Variants in NTM observed in about 807,000 individuals in gnomAD.
NTM encodes neurotrimin, also known as IgLON family member 2.
A neutral mutation model predicts 42.1 loss-of-function variants in NTM; 13 were observed. The ratio of observed to expected loss-of-function variants is 0.31; its 90% CI spans 0.20 to 0.49. NTM has a LOEUF of 0.49. Among genes scored for constraint, NTM ranks in the 20% least tolerant of loss-of-function variants. The pLI, the probability that NTM is intolerant of heterozygous loss-of-function variation, is 0.99. For synonymous variants in NTM, 187 were observed against 179.2 expected, an observed-to-expected ratio of 1.04 and a Z score of -0.35; for missense variants, 373 against 452.8, an observed-to-expected ratio of 0.82 and a Z score of 1.60.
At chr11:132,084,454 A>T (rs1231726651) in intron 2 of NTM, among the ~76,000 whole-genome samples, 1 of 152,154 alleles carries the variant, frequency 6.6e-6, no homozygotes. Flanking sequence ...GTACCTAAAC[A>T]TGTCAGATAA....
At position 131,801,498 on chromosome 11, in the gene NTM, C is replaced by T. The variant is rs1428416284; in HGVS notation, c.83-110066C>T. On this transcript the variant is annotated intron_variant, in intron 1 of 8. Coordinates refer to ENST00000683400, the MANE Select transcript of NTM (RefSeq NM_001352005.2). ...TGTTCCGCTCAGCTTGGAGACAGAGCCTGTGGCAGTTTCGCCATAGCACAG... is the reference window on the plus strand; with the variant it reads ...TGTTCCGCTCAGCTTGGAGACAGAGTCTGTGGCAGTTTCGCCATAGCACAG... 2.0e-5 allele frequency among the ~76,000 whole-genome samples: 3 copies of T among 152,308 alleles called. No individual in the cohort carries two copies. The East Asian group carries it at 5.8e-4, about 29-fold the overall frequency.
intron 1 of NTM, among the ~76,000 whole-genome samples, chr11:131,428,482 G>A (rs1198814645): frequency 6.6e-6 from 1 of 151,990 alleles, no homozygotes; most frequent in African/African-American, 2.4e-5. Context: ...GACCTGCTTT[G>A]GATGGTGGCC....
intron 1 of NTM, chr11:131,582,393 C>A (rs1001287339): frequency 6.6e-6 from 1 of 152,142 alleles, no homozygotes; most frequent in Non-Finnish European, 1.5e-5. Flanking sequence ...GTAAATGAAT[C>A]CCTTCATCTT....
intron 1 of NTM, among the ~76,000 whole-genome samples, chr11:131,658,650 C>T (rs2067534065): frequency 6.6e-6 from 1 of 152,198 alleles, no homozygotes; most frequent in African/African-American, 2.4e-5. Context: ...AGCCACAGAG[C>T]AGAGACAGCA....
At chr11:132,177,895 G>C (rs1228657549) in intron 3 of NTM, among the ~76,000 whole-genome samples, 3 of 152,166 alleles carry the variant, frequency 2.0e-5, no homozygotes, top group Non-Finnish European at 2.9e-5. Context: ...TTAAAATACA[G>C]GGACACAGTC....
At chr11:132,076,837 C>A (rs888902885) in intron 2 of NTM, among the ~76,000 whole-genome samples, 1 of 152,156 alleles carries the variant, frequency 6.6e-6, no homozygotes, top group African/African-American at 2.4e-5. Context: ...AAGCCAATTA[C>A]AAATTTATTA....
At chr11:131,671,774 TC>T (rs1405493178) in intron 1 of NTM, among the ~76,000 whole-genome samples, 1 of 152,166 alleles carries the variant, frequency 6.6e-6, no homozygotes, top group African/African-American at 2.4e-5. Flanking sequence ...GAGAAGTGTG[TC>T]CCCTGAGCTC....
chr11:131,465,010 C>T (rs56264673), intron 1 of NTM, among the ~76,000 whole-genome samples: 3 of 152,312 alleles, frequency 2.0e-5, no homozygotes, highest in East Asian at 3.9e-4. Flanking sequence ...ACGTTTTACA[C>T]GTATACACAT....
intron 1 of NTM, among the ~76,000 whole-genome samples, chr11:131,849,132 C>T (rs1301994017): frequency 6.6e-6 from 1 of 152,092 alleles, no homozygotes; most frequent in Non-Finnish European, 1.5e-5. Context: ...AAGCAAAGCT[C>T]AGTACTATAA....
chr11:132,041,516 C>T (rs1286290082), intron 2 of NTM, among the ~76,000 whole-genome samples: 1 of 152,142 alleles, frequency 6.6e-6, no homozygotes, highest in African/African-American at 2.4e-5. Context: ...ATTTTTGTCT[C>T]TGGGCATTAA....
chr11:131,802,185 A>T (rs539546065), intron 1 of NTM, among the ~76,000 whole-genome samples: 1 of 152,174 alleles, frequency 6.6e-6, no homozygotes, highest in Non-Finnish European at 1.5e-5. Flanking sequence ...CATTTAATAC[A>T]TGTGGGGAGA....
intron 1 of NTM, among the ~76,000 whole-genome samples, chr11:131,483,588 G>A (rs1040282443): frequency 2.6e-5 from 4 of 152,338 alleles, no homozygotes; most frequent in Admixed American, 1.3e-4. Flanking sequence ...GAAAGCTACA[G>A]GGCTCTTCTC....
At chr11:132,113,209 G>A (rs922026319) in intron 2 of NTM, among the ~76,000 whole-genome samples, 1 of 152,186 alleles carries the variant, frequency 6.6e-6, no homozygotes, top group Non-Finnish European at 1.5e-5. Flanking sequence ...CATGCAGCCC[G>A]TGCCCAGTCT....
chr11:131,469,431 G>T (rs1565534634), intron 1 of NTM, among the ~76,000 whole-genome samples: 1 of 152,168 alleles, frequency 6.6e-6, no homozygotes. Context: ...TTCCAGGAAG[G>T]CTGATGACTT....
At chr11:132,083,563 G>A (rs2059348835) in intron 2 of NTM, among the ~76,000 whole-genome samples, 1 of 152,130 alleles carries the variant, frequency 6.6e-6, no homozygotes, top group South Asian at 2.1e-4. Context: ...GGAGTTCCTG[G>A]GCCTGTGAGA....
chr11:131,623,191 G>A (rs940725845), intron 1 of NTM, among the ~76,000 whole-genome samples: 1 of 152,166 alleles, frequency 6.6e-6, no homozygotes, highest in Non-Finnish European at 1.5e-5. Flanking sequence ...AGACTATCAA[G>A]GCTGACTTTT....
At chr11:131,440,071 G>A in intron 1 of NTM, among the ~76,000 whole-genome samples, 1 of 149,728 alleles carries the variant, frequency 6.7e-6, no homozygotes, top group East Asian at 2.0e-4. Context: ...CTTTCTGGCA[G>A]TTTTTTAAAA....
At chr11:132,163,770 G>C (rs2074808932) in intron 3 of NTM, among the ~76,000 whole-genome samples, 1 of 152,232 alleles carries the variant, frequency 6.6e-6, no homozygotes, top group Non-Finnish European at 1.5e-5. Flanking sequence ...AGGCCACCTA[G>C]CCAGTGATTC....
intron 1 of NTM, among the ~76,000 whole-genome samples, chr11:131,608,846 C>T (rs1200566992): frequency 6.6e-6 from 1 of 152,152 alleles, no homozygotes; most frequent in Non-Finnish European, 1.5e-5. Flanking sequence ...TTCAGGGACG[C>T]TGGATTCAAT....
Sources: gnomAD v4.1 joint callset for allele counts (sites outside exome capture counted in the v4.1 genomes callset) on GRCh38, gnomAD v4.1.1 for gene constraint, MANE v1.5 for transcripts, NCBI Gene and HGNC (gene_info 2026-07-23, HGNC 2026-07-21) for gene names.